PTPRG: variants seen among roughly 807,000 people sequenced by gnomAD.
PTPRG encodes the protein receptor-type tyrosine-protein phosphatase gamma.
In PTPRG, 102 loss-of-function variants were observed where a neutral mutation model predicts 165.3. The observed-to-expected ratio is 0.62, with a 90% confidence interval of 0.53 to 0.73. PTPRG has a LOEUF of 0.73. Among genes scored for constraint, PTPRG ranks in the 30% least tolerant of loss-of-function variants. The pLI is 0.00. For synonymous variants in PTPRG, 675 were observed against 669.5 expected, an observed-to-expected ratio of 1.01 and a Z score of -0.13; for missense variants, 1,866 against 1,861.4, an observed-to-expected ratio of 1.00 and a Z score of -0.05.
chr3:62,082,489 A>G (rs1216648467), intron 5 of PTPRG, among the ~76,000 whole-genome samples: 2 of 152,190 alleles, frequency 1.3e-5, no homozygotes, highest in Non-Finnish European at 2.9e-5. Flanking sequence ...TCAGTTAAAT[A>G]TGGAAGGTTT....
intron 5 of PTPRG, among the ~76,000 whole-genome samples, chr3:62,116,428 A>T (rs1225576830): frequency 6.6e-6 from 1 of 152,224 alleles, no homozygotes; most frequent in Admixed American, 6.5e-5. Context: ...AATTTACCAT[A>T]AACACAGCAA....
Position 61,599,783 on chromosome 3 carries a change from C to T in PTPRG, c.85+37411C>T, listed in dbSNP as rs140488826. ...TGCTAGGATAATCGGCATGAACCACCGCACCTGGCTGATCCTGCATTCTTC... is the reference window on the plus strand; with the variant it reads ...TGCTAGGATAATCGGCATGAACCACTGCACCTGGCTGATCCTGCATTCTTC... On this transcript the variant is annotated intron_variant, in intron 1 of 29. Coordinates refer to ENST00000474889, the MANE Select transcript of PTPRG (RefSeq NM_002841.4). Among the ~76,000 whole-genome samples, 64 of 152,144 alleles carry T rather than the reference C, an allele frequency of 4.2e-4. No homozygotes were observed. The East Asian group carries it at 0.011, about 26-fold the overall frequency.
chr3:62,101,717 C>G (rs1702294833), intron 5 of PTPRG, among the ~76,000 whole-genome samples: 1 of 152,202 alleles, frequency 6.6e-6, no homozygotes, highest in African/African-American at 2.4e-5. Context: ...TAGTTTGGCC[C>G]AAACCTACCC....
intron 1 of PTPRG, among the ~76,000 whole-genome samples, chr3:61,578,141 G>A (rs1700207246): frequency 6.6e-6 from 1 of 152,336 alleles, no homozygotes; most frequent in South Asian, 2.1e-4. Flanking sequence ...CCTAGTTCCT[G>A]TTGGTGCTAC....
At chr3:61,592,863 C>T (rs1700606770) in intron 1 of PTPRG, among the ~76,000 whole-genome samples, 1 of 152,188 alleles carries the variant, frequency 6.6e-6, no homozygotes, top group Non-Finnish European at 1.5e-5. Flanking sequence ...CCTTACTGGA[C>T]TCAACTTGGG....
chr3:61,871,792 T>A (rs2037592262), intron 2 of PTPRG, among the ~76,000 whole-genome samples: 1 of 152,184 alleles, frequency 6.6e-6, no homozygotes, highest in Non-Finnish European at 1.5e-5. Flanking sequence ...GAATTGCAGC[T>A]CCCAGGCAAC....
intron 2 of PTPRG, among the ~76,000 whole-genome samples, chr3:61,969,985 T>A (rs922779405): frequency 6.6e-6 from 1 of 152,212 alleles, no homozygotes; most frequent in African/African-American, 2.4e-5. Context: ...TTTGAGATAA[T>A]TTTGAGTTAA....
intron 4 of PTPRG, among the ~76,000 whole-genome samples, chr3:62,049,755 A>G (rs565210123): frequency 3.5e-4 from 53 of 152,312 alleles, no homozygotes; most frequent in African/African-American, 1.2e-3. Flanking sequence ...GGGAATTCAG[A>G]GTAGGGAAGG....
At chr3:61,847,910 G>A (rs572466346) in intron 2 of PTPRG, among the ~76,000 whole-genome samples, 1 of 152,194 alleles carries the variant, frequency 6.6e-6, no homozygotes, top group Non-Finnish European at 1.5e-5. Context: ...TTACATAATT[G>A]CATTCTATAT....
intron 1 of PTPRG, among the ~76,000 whole-genome samples, chr3:61,641,100 T>A (rs1702047139): frequency 6.6e-6 from 1 of 152,214 alleles, no homozygotes; most frequent in South Asian, 2.1e-4. Context: ...GAAGCTTGAC[T>A]CTTTGATCAT....
intron 14 of PTPRG, among the ~76,000 whole-genome samples, chr3:62,232,781 A>G (rs1360777413): frequency 2.6e-5 from 4 of 152,218 alleles, no homozygotes; most frequent in African/African-American, 4.8e-5. Context: ...AGTTTCATCT[A>G]GGTCTAGGAG....
At chr3:61,753,957 G>T (rs1006885036) in intron 2 of PTPRG, among the ~76,000 whole-genome samples, 7 of 152,086 alleles carry the variant, frequency 4.6e-5, no homozygotes, top group African/African-American at 1.7e-4. Flanking sequence ...GAGAAAAACA[G>T]GTGGTAGTTT....
intron 8 of PTPRG, among the ~76,000 whole-genome samples, chr3:62,186,584 T>TTTTTTTTTTTTTTG: frequency 6.7e-6 from 1 of 148,192 alleles, no homozygotes; most frequent in East Asian, 2.0e-4. Flanking sequence ...TTTTTTTTTT[T>TTTTTTTTTTTTTTG]GAGATAGGGT....
At chr3:62,060,030 C>T (rs888973546) in intron 4 of PTPRG, among the ~76,000 whole-genome samples, 1 of 151,884 alleles carries the variant, frequency 6.6e-6, no homozygotes, top group Non-Finnish European at 1.5e-5. Flanking sequence ...AGCATGAAGA[C>T]AGATTAATAC....
At chr3:61,869,069 A>C (rs535921113) in intron 2 of PTPRG, among the ~76,000 whole-genome samples, 1 of 152,216 alleles carries the variant, frequency 6.6e-6, no homozygotes, top group African/African-American at 2.4e-5. Context: ...CCCATGGTCT[A>C]ATCTCCTGCT....
At chr3:62,068,893 C>T (rs549066459) in intron 4 of PTPRG, among the ~76,000 whole-genome samples, 1 of 152,288 alleles carries the variant, frequency 6.6e-6, no homozygotes. Context: ...GATTAGTGTA[C>T]TCTGTGATTA....
chr3:61,870,320 T>TG (rs1027060401), intron 2 of PTPRG, among the ~76,000 whole-genome samples: 16 of 149,226 alleles, frequency 1.1e-4, no homozygotes, highest in Admixed American at 4.0e-4. Context: ...AATTATTCTT[T>TG]TTTTTTTTTT....
Position 62,017,053 on chromosome 3 carries a change from G to A in PTPRG, c.519+13556G>A, listed in dbSNP as rs1445924036. 3.9e-5 allele frequency among the ~76,000 whole-genome samples: 6 copies of A among 152,204 alleles called. No homozygotes were observed. The South Asian group carries it at 1.0e-3, about 26-fold the overall frequency. ...TCCCTCACCCCCGTATACTGCATGT[G>A]AGCTTTTAGAGGAGGGGATCAGAGG... On this transcript the variant is annotated intron_variant, in intron 4 of 29. Transcript: ENST00000474889.
At chr3:61,869,654 C>T (rs1275927573) in intron 2 of PTPRG, among the ~76,000 whole-genome samples, 2 of 151,110 alleles carry the variant, frequency 1.3e-5, no homozygotes, top group African/African-American at 4.9e-5. Context: ...TCATGGCTTA[C>T]TGCAGCCTCA....
Sources: allele counts gnomAD v4.1 joint callset (sites outside exome capture counted in the v4.1 genomes callset), GRCh38; gene constraint gnomAD v4.1.1; transcripts MANE v1.5; gene names NCBI Gene and HGNC (gene_info 2026-07-23, HGNC 2026-07-21).